Variants in SLC1A2 observed in about 807,000 individuals in gnomAD.
The protein encoded by SLC1A2 is excitatory amino acid transporter 2.
A neutral mutation model predicts 48.8 loss-of-function variants in SLC1A2; 15 were observed. That is an observed-to-expected ratio of 0.31 (90% CI 0.21 to 0.47). The LOEUF (loss-of-function observed/expected upper bound fraction) is 0.47. Among genes scored for constraint, SLC1A2 ranks in the 20% least tolerant of loss-of-function variants. The pLI, the probability that SLC1A2 is intolerant of heterozygous loss-of-function variation, is 0.99. For missense variants in SLC1A2, 502 were observed against 730.5 expected (o/e 0.69, Z 3.61); for synonymous variants, 279 against 272.6 (o/e 1.02, Z -0.23).
At chr11:35,362,134 C>G (rs1219987889) in intron 1 of SLC1A2, among the ~76,000 whole-genome samples, 1 of 152,068 alleles carries the variant, frequency 6.6e-6, no homozygotes, top group Admixed American at 6.6e-5. Context: ...AGGGGACTCT[C>G]CAAACTACCA....
intron 8 of SLC1A2, among the ~76,000 whole-genome samples, chr11:35,284,087 T>TATATATATATATATATATATATATATA (rs1850729531): frequency 2.6e-5 from 3 of 115,852 alleles, no homozygotes; most frequent in African/African-American, 6.6e-5. Flanking sequence ...GAAGATTTTA[T>TATATATATATATATATATATATATATA]TATATATATA....
chr11:35,375,275 T>C (rs995728506), intron 1 of SLC1A2, among the ~76,000 whole-genome samples: 4 of 152,172 alleles, frequency 2.6e-5, no homozygotes, highest in African/African-American at 7.2e-5. Flanking sequence ...GAAGCCCAGA[T>C]TGAAGTTGAA....
chr11:35,397,830 G>A (rs867083271), intron 1 of SLC1A2, among the ~76,000 whole-genome samples: 9 of 152,250 alleles, frequency 5.9e-5, no homozygotes, highest in Admixed American at 2.6e-4. Context: ...CCAGCACCCC[G>A]ATCTTAGACT....
At chr11:35,373,095 G>T (rs187462372) in intron 1 of SLC1A2, among the ~76,000 whole-genome samples, 1 of 152,156 alleles carries the variant, frequency 6.6e-6, no homozygotes, top group Non-Finnish European at 1.5e-5. Context: ...TCAGAAGCAC[G>T]ACACACCAGA....
In SLC1A2 at chr11:35,252,472, A is replaced by G. The variant is rs1407728208; in HGVS notation, c.*8422T>C. On this transcript the variant is annotated 3_prime_UTR_variant, in exon 11 of 11. Coordinates refer to ENST00000278379, the MANE Select transcript of SLC1A2 (RefSeq NM_004171.4). ...AGTTCCACAGTTGCATTCACCATGT[A>G]TTAAACAGACATGAGATGACCTTTC... 1 of 152,212 alleles carries G rather than the reference A, an allele frequency of 6.6e-6. No homozygotes were observed. The highest frequency in any genetic ancestry group is 2.4e-5 in the African/African-American group (1 of 41,452). The allele number at this position is 152,212 out of a possible 1,614,324, so 9.4% of individuals were successfully genotyped here.
upstream of SLC1A2, chr11:35,420,135 A>G: frequency 6.7e-6 from 1 of 149,282 alleles, no homozygotes. Flanking sequence ...GGAGGCCGGG[A>G]TTTTTTTTTT....
chr11:35,356,818 C>A (rs11033089), intron 1 of SLC1A2, among the ~76,000 whole-genome samples: 29,699 of 152,170 alleles, frequency 0.2, 3,180 homozygotes, highest in Middle Eastern at 0.27. Context: ...AATTTTATTA[C>A]ATAAAAATGT....
chr11:35,324,040 C>G (rs758987617), intron 1 of SLC1A2, among the ~76,000 whole-genome samples: 7 of 152,156 alleles, frequency 4.6e-5, no homozygotes, highest in Non-Finnish European at 8.8e-5. Flanking sequence ...CAGGCACAGT[C>G]AATTACTGTG....
rs16927239 is a variant in SLC1A2 at position 35,280,920 on chromosome 11, G to A, written c.1368C>T (p.Ala456=). 2,356 of 1,613,376 alleles carry A rather than the reference G, an allele frequency of 1.5e-3. 4 individuals carry two copies. The highest frequency in any genetic ancestry group is 4.4e-3 in the South Asian group (403 of 90,932). The change falls in exon 9 of 11, where the codon GCC becomes GCT. Residue 456 remains alanine (A), a synonymous_variant. Coordinates refer to ENST00000278379, the MANE Select transcript of SLC1A2 (RefSeq NM_004171.4). ...TGATGTCCTCTGTTGGCAGGCCCAC[G>A]GCTGTCAGAATGAGGAGCATGGTGA... ...GLVTMLLILT[A]VGLPTEDISL...
At chr11:35,291,873 T>A (rs1851020334) in intron 7 of SLC1A2, 1 of 166,178 alleles carries the variant, frequency 6.0e-6, no homozygotes, top group African/African-American at 2.4e-5. Flanking sequence ...CTTTTGAAAA[T>A]GTATTTACCA....
chr11:35,408,014 C>T (rs150492803), intron 1 of SLC1A2, among the ~76,000 whole-genome samples: 132 of 152,328 alleles, frequency 8.7e-4, no homozygotes, highest in African/African-American at 3.0e-3. Flanking sequence ...AATGCTAAGC[C>T]AGTATGCTGA....
chr11:35,318,087 T>C (rs949843564), intron 1 of SLC1A2, among the ~76,000 whole-genome samples: 3 of 152,234 alleles, frequency 2.0e-5, no homozygotes, highest in African/African-American at 7.2e-5. Flanking sequence ...ATTCAACCTA[T>C]TGTGGCTTTT....
intron 1 of SLC1A2, among the ~76,000 whole-genome samples, chr11:35,364,804 A>G (rs190105097): frequency 7.2e-5 from 11 of 152,310 alleles, no homozygotes; most frequent in East Asian, 5.8e-4. Context: ...CTTAATATTT[A>G]TGGTCATTTA....
At chr11:35,320,622 A>G (rs1331682510) in intron 1 of SLC1A2, among the ~76,000 whole-genome samples, 1 of 152,242 alleles carries the variant, frequency 6.6e-6, no homozygotes, top group Non-Finnish European at 1.5e-5. Context: ...TGCTTAATCA[A>G]TGTTTGCCAA....
At chr11:35,411,732 T>C (rs1046516726) in intron 1 of SLC1A2, among the ~76,000 whole-genome samples, 1 of 152,244 alleles carries the variant, frequency 6.6e-6, no homozygotes, top group Non-Finnish European at 1.5e-5. Flanking sequence ...TTCTTTTACC[T>C]ATCTCCCTTC....
intron 1 of SLC1A2, among the ~76,000 whole-genome samples, chr11:35,409,260 C>T (rs759802373): frequency 1.3e-5 from 2 of 152,156 alleles, no homozygotes; most frequent in East Asian, 3.9e-4. Flanking sequence ...ATCAACAGAA[C>T]AATGCAGTGG....
intron 1 of SLC1A2, among the ~76,000 whole-genome samples, chr11:35,397,401 C>T (rs1317089559): frequency 2.1e-5 from 3 of 143,498 alleles, no homozygotes; most frequent in Non-Finnish European, 4.6e-5. Flanking sequence ...TGATCTTTGA[C>T]AAACCTGAGA....
chr11:35,416,610 T>G (rs1218728471), intron 1 of SLC1A2, among the ~76,000 whole-genome samples: 1 of 152,224 alleles, frequency 6.6e-6, no homozygotes, highest in Non-Finnish European at 1.5e-5. Context: ...TCCCATATTA[T>G]CCTATTCCCC....
intron 1 of SLC1A2, among the ~76,000 whole-genome samples, chr11:35,387,625 G>A (rs1365819009): frequency 3.9e-5 from 6 of 152,022 alleles, no homozygotes; most frequent in Non-Finnish European, 8.8e-5. Flanking sequence ...AATAATGTCT[G>A]GGCCATTTTT....
Sources: gnomAD v4.1 joint callset for allele counts (sites outside exome capture counted in the v4.1 genomes callset) on GRCh38, gnomAD v4.1.1 for gene constraint, MANE v1.5 for transcripts, NCBI Gene and HGNC (gene_info 2026-07-23, HGNC 2026-07-21) for gene names.